Variants in MCM5 observed in about 807,000 individuals in gnomAD.
The protein encoded by MCM5 is DNA replication licensing factor MCM5.
MCM5 carries 46 observed loss-of-function variants against 79.9 expected under a neutral mutation model. The observed-to-expected ratio is 0.58, with a 90% confidence interval of 0.45 to 0.74. The LOEUF (loss-of-function observed/expected upper bound fraction) is 0.74. Among genes scored for constraint, MCM5 ranks in the 30% least tolerant of loss-of-function variants. The pLI, the probability that MCM5 is intolerant of heterozygous loss-of-function variation, is 0.00. For missense variants in MCM5, 883 were observed against 1,017.0 expected, an observed-to-expected ratio of 0.87 and a Z score of 1.79; for synonymous variants, 404 against 390.5, an observed-to-expected ratio of 1.03 and a Z score of -0.41.
At chr22:35,421,879 C>T (rs969470703) in intron 15 of MCM5, 4 of 296,266 alleles carry the variant, frequency 1.4e-5, no homozygotes, top group African/African-American at 8.7e-5. Context: ...ACAGCTGACA[C>T]TCGAAGGGGC....
At position 35,401,883 on chromosome 22, in the gene MCM5, T is replaced by C. The variant is rs562550237; in HGVS notation, c.167+1278T>C. The C allele has an allele frequency of 1.1e-5, 4 of 365,388 alleles. No individual in the cohort carries two copies. In the East Asian group the frequency reaches 2.9e-4, roughly 27 times the overall value. The allele number at this position is 365,388 out of a possible 1,614,324, so 22.6% of individuals were successfully genotyped here. On this transcript the variant is annotated intron_variant, in intron 2 of 16. Coordinates refer to ENST00000216122, the MANE Select transcript of MCM5 (RefSeq NM_006739.4). ...GGGACCTTTGAGCTAAGGTCAGAGT[T>C]GCAGGTGTAGAAAGCTTTCTGTCTA...
chr22:35,401,874 G>A, intron 2 of MCM5: 1 of 369,384 alleles, frequency 2.7e-6, no homozygotes, highest in South Asian at 2.0e-5. Context: ...TTTGAGCTAA[G>A]GTCAGAGTTG....
the MCM5 span, among the ~76,000 whole-genome samples, chr22:35,443,469 A>G: frequency 1.3e-5 from 2 of 152,166 alleles, no homozygotes; most frequent in African/African-American, 4.8e-5. Context: ...GATTACAGAC[A>G]TGAGCCAACA....
chr22:35,404,370 C>T (rs1389850820), intron 4 of MCM5, among the ~76,000 whole-genome samples: 1 of 152,168 alleles, frequency 6.6e-6, no homozygotes, highest in Non-Finnish European at 1.5e-5. Context: ...GGTGTAAGTT[C>T]TTTCACAGAT....
At chr22:35,438,651 C>CCACCCACATATTCATCCATCCATT in the MCM5 span, among the ~76,000 whole-genome samples, 2 of 41,102 alleles carry the variant, frequency 4.9e-5, no homozygotes, top group African/African-American at 2.3e-4. Flanking sequence ...ATCCATCCAT[C>CCACCCACATATTCATCCATCCATT]CATCCGTCCA....
At chr22:35,415,777 G>A (rs1226770258) in intron 9 of MCM5, 52 bp from the exon 10 acceptor site, 11 of 1,586,868 alleles carry the variant, frequency 6.9e-6, no homozygotes, top group African/African-American at 1.3e-5. Context: ...TGTCTTATGG[G>A]GGTCAAAGCA....
chr22:35,403,536 C>G lies in MCM5; in HGVS notation c.417C>G (p.Ser139Arg). 6 of 1,613,574 alleles carry G rather than the reference C, an allele frequency of 3.7e-6. No homozygotes were observed. Among genetic ancestry groups the G allele is most frequent in the African/African-American group, 1.3e-5 (1 of 75,038 alleles). The change falls in exon 4 of 17, where the codon AGC (serine) becomes AGG (arginine). Residue 139 changes from serine (S) to arginine (R), a missense_variant. Ser to Arg is a moderately radical substitution (Grantham distance 110). Transcript: ENST00000216122. ...ACGCCAGCCCTTCCAGCATTCGTAG[C>G]CTGAAGGTGGGTCGGAGGGCAGTGG... ...KSDASPSSIRSLKSDMMSHLV... is the reference protein window; with the variant it reads ...KSDASPSSIRRLKSDMMSHLV...
the MCM5 span, among the ~76,000 whole-genome samples, chr22:35,439,795 C>T: frequency 6.6e-6 from 1 of 152,194 alleles, no homozygotes; most frequent in Admixed American, 6.5e-5. Flanking sequence ...CCCATTTTCC[C>T]CATCTGAAAA....
the MCM5 span, among the ~76,000 whole-genome samples, chr22:35,451,531 C>T: frequency 8.5e-5 from 13 of 152,358 alleles, no homozygotes; most frequent in African/African-American, 1.4e-4. Flanking sequence ...AAGCCCCAGA[C>T]GGGCCTCGAG....
At chr22:35,407,069 C>G (rs1932240227) in intron 5 of MCM5, among the ~76,000 whole-genome samples, 1 of 152,204 alleles carries the variant, frequency 6.6e-6, no homozygotes, top group African/African-American at 2.4e-5. Flanking sequence ...CCTGCTGACC[C>G]TATGGCCCAG....
In MCM5 at chr22:35,424,269, A is replaced by C. The variant is rs1932756923; in HGVS notation, c.*14A>C. 6.5e-7 allele frequency: 1 copy of C among 1,530,072 alleles called. No homozygotes were observed. The highest frequency in any genetic ancestry group is 8.8e-7 in the Non-Finnish European group (1 of 1,132,380). 94.8% of individuals were successfully genotyped at this position (1,530,072 alleles called of 1,614,324 possible). Reference sequence around the variant, plus strand: ...CGCCTCAAGTGAGTCGCGCCGCCTCACTGGACTCATGGACTCGCCCACGCC... The same window carrying C: ...CGCCTCAAGTGAGTCGCGCCGCCTCCCTGGACTCATGGACTCGCCCACGCC... On this transcript the variant is annotated 3_prime_UTR_variant, in exon 17 of 17. Transcript: ENST00000216122.
chr22:35,416,796 C>T lies in MCM5; in HGVS notation c.1572C>T (p.His524=), dbSNP rs190706651. 88 of 1,613,918 alleles carry T rather than the reference C, an allele frequency of 5.5e-5. 1 individual carries two copies. Among genetic ancestry groups the T allele is most frequent in the Middle Eastern group, 5.1e-4 (3 of 5,924 alleles). The change falls in exon 12 of 17, where the codon CAC becomes CAT. Residue 524 remains histidine (H), a synonymous_variant. Transcript: ENST00000216122. The stretch of plus-strand genomic sequence containing the variant: ...TGATCTTCATCGTCAAGGATGAGCA[C>T]AATGAGGAGAGGGATGTGGTACGTC... ...FDMIFIVKDE[H]NEERDVMLAK...
intron 14 of MCM5, 75 bp from the exon 15 acceptor site, chr22:35,421,243 C>G: frequency 6.6e-7 from 1 of 1,508,552 alleles, no homozygotes; most frequent in Non-Finnish European, 8.9e-7. Context: ...GCAAGCACCT[C>G]CCTGGTAACG....
intron 14 of MCM5, among the ~76,000 whole-genome samples, chr22:35,420,767 A>G (rs1404199729): frequency 6.6e-6 from 1 of 152,214 alleles, no homozygotes; most frequent in Non-Finnish European, 1.5e-5. Flanking sequence ...GATTGGTCAC[A>G]CAAATACAAC....
chr22:35,423,452 G>A, intron 16 of MCM5, 111 bp downstream of exon 16: 2 of 1,253,050 alleles, frequency 1.6e-6, no homozygotes, highest in Non-Finnish European at 2.2e-6. Context: ...CTGAACGGGG[G>A]TAGGATGGAC....
At chr22:35,432,713 G>T in the MCM5 span, among the ~76,000 whole-genome samples, 1 of 152,180 alleles carries the variant, frequency 6.6e-6, no homozygotes, top group Non-Finnish European at 1.5e-5. Flanking sequence ...GTGTGTGTGT[G>T]TGCGGGGGGG....
chr22:35,416,936 A>G, intron 12 of MCM5, 122 bp downstream of exon 12: 2 of 1,147,586 alleles, frequency 1.7e-6, no homozygotes, highest in Admixed American at 4.0e-5. Context: ...CAGGCTGTGA[A>G]ATTGGGGAGC....
chr22:35,437,921 G>A, the MCM5 span, among the ~76,000 whole-genome samples: 1 of 152,268 alleles, frequency 6.6e-6, no homozygotes, highest in Non-Finnish European at 1.5e-5. Flanking sequence ...AGGGAGACAG[G>A]CCCAGAGGAG....
the MCM5 span, among the ~76,000 whole-genome samples, chr22:35,432,408 A>T: frequency 6.6e-6 from 1 of 152,182 alleles, no homozygotes. Flanking sequence ...CATCAGTTAC[A>T]TAAGCGCCTC....
Sources: gnomAD v4.1 joint callset for allele counts (sites outside exome capture counted in the v4.1 genomes callset) on GRCh38, gnomAD v4.1.1 for gene constraint, MANE v1.5 for transcripts, NCBI Gene and HGNC (gene_info 2026-07-23, HGNC 2026-07-21) for gene names.